NBAS: variants seen among roughly 807,000 people sequenced by gnomAD.
NBAS encodes the protein NBAS subunit of NRZ tethering complex, also known as NAG/BC035112 fusion.
A neutral mutation model predicts 302.5 loss-of-function variants in NBAS; 219 were observed. The ratio of observed to expected loss-of-function variants is 0.72; its 90% CI spans 0.65 to 0.81. NBAS has a LOEUF of 0.81. NBAS is among the 30% of genes least tolerant of loss of function. The probability of loss-of-function intolerance (pLI) is 0.00; values close to 1 mark genes in which losing one functional copy is unlikely to be tolerated. For synonymous variants in NBAS, 1,118 were observed against 1,021.6 expected (o/e 1.09, Z -1.80); for missense variants, 2,932 against 2,841.6 (o/e 1.03, Z -0.72).
At chr2:14,941,645 G>T in the NBAS span, among the ~76,000 whole-genome samples, 10 of 152,164 alleles carry the variant, frequency 6.6e-5, no homozygotes, top group African/African-American at 2.4e-4. Flanking sequence ...TGTGTCACCC[G>T]CTCCCACAGA....
the NBAS span, among the ~76,000 whole-genome samples, chr2:15,041,731 G>C: frequency 6.6e-6 from 1 of 152,182 alleles, no homozygotes; most frequent in East Asian, 1.9e-4. Context: ...CACTCTACCC[G>C]GCAGCTGTCC....
At chr2:15,246,330 C>T (rs1668093348) in intron 44 of NBAS, among the ~76,000 whole-genome samples, 1 of 152,200 alleles carries the variant, frequency 6.6e-6, no homozygotes, top group African/African-American at 2.4e-5. Flanking sequence ...GTTACTTGTA[C>T]ATCTCCCTGA....
intron 21 of NBAS, among the ~76,000 whole-genome samples, chr2:15,431,561 T>C (rs1677765755): frequency 6.6e-6 from 1 of 152,136 alleles, no homozygotes; most frequent in Non-Finnish European, 1.5e-5. Flanking sequence ...AAACTATATG[T>C]AGGTTGAATT....
chr2:15,287,135 A>T lies in NBAS; in HGVS notation c.5076T>A (p.Arg1692=). 6.2e-7 allele frequency: 1 copy of T among 1,614,114 alleles called. No individual in the cohort carries two copies. Among genetic ancestry groups the T allele is most frequent in the Non-Finnish European group, 8.5e-7 (1 of 1,179,966 alleles). Residue 1692 remains arginine, a synonymous_variant, in exon 42 of 52, where the codon CGT becomes CGA. Transcript: ENST00000281513. ...VYSIAISLAQ[R]YSVSRWEVFM... ...AAACTTCCCAGCGGGAGACACTGTAACGTTGTGCCAGAGAAATAGCAATGC... is the reference window on the plus strand; with the variant it reads ...AAACTTCCCAGCGGGAGACACTGTATCGTTGTGCCAGAGAAATAGCAATGC...
intron 46 of NBAS, 41 bp from the exon 47 acceptor site, chr2:15,232,552 C>CA: frequency 6.3e-7 from 1 of 1,582,514 alleles, no homozygotes; most frequent in Non-Finnish European, 8.7e-7. Flanking sequence ...AAGGATCACT[C>CA]AAGTCTCAGA....
At chr2:15,526,213 A>C (rs1434961768) in intron 9 of NBAS, among the ~76,000 whole-genome samples, 2 of 152,196 alleles carry the variant, frequency 1.3e-5, no homozygotes, top group Admixed American at 6.5e-5. Flanking sequence ...CTGCGTGTTT[A>C]AGGAGGACAA....
At chr2:15,486,630 G>GT (rs1650094078) in intron 12 of NBAS, among the ~76,000 whole-genome samples, 1 of 151,990 alleles carries the variant, frequency 6.6e-6, no homozygotes, top group African/African-American at 2.4e-5. Flanking sequence ...AATTTCTGAG[G>GT]TCCCCCCCTT....
intron 44 of NBAS, among the ~76,000 whole-genome samples, chr2:15,273,015 T>C (rs1037972286): frequency 1.3e-5 from 2 of 152,226 alleles, no homozygotes; most frequent in African/African-American, 4.8e-5. Flanking sequence ...AAAAGATTGC[T>C]GTTGCCAAGT....
intron 48 of NBAS, among the ~76,000 whole-genome samples, chr2:15,200,040 C>T (rs538297009): frequency 4.6e-5 from 7 of 151,716 alleles, no homozygotes; most frequent in African/African-American, 1.7e-4. Flanking sequence ...GCAGTTGAGA[C>T]CACAGGCACA....
chr2:15,533,191 T>A (rs1317031963), intron 9 of NBAS, among the ~76,000 whole-genome samples: 1 of 152,106 alleles, frequency 6.6e-6, no homozygotes, highest in African/African-American at 2.4e-5. Context: ...CTGGCACAAA[T>A]ACTCTGGAAA....
chr2:15,071,547 T>C, the NBAS span, among the ~76,000 whole-genome samples: 4,996 of 149,024 alleles, frequency 0.034, 108 homozygotes, highest in Middle Eastern at 0.11. Context: ...TCGCTTGAAC[T>C]CGGGAGGCGG....
At chr2:14,784,210 G>A in the NBAS span, among the ~76,000 whole-genome samples, 1 of 152,286 alleles carries the variant, frequency 6.6e-6, no homozygotes, top group South Asian at 2.1e-4. Flanking sequence ...GTAGACTCTG[G>A]ATATTAGCCC....
In NBAS at chr2:15,408,721, C is replaced by T. The variant is rs76870552; in HGVS notation, c.2938-6420G>A. 6.7e-3 allele frequency among the ~76,000 whole-genome samples: 1,023 copies of T among 152,254 alleles called. 11 individuals carry two copies. The highest frequency in any genetic ancestry group is 0.022 in the African/African-American group (923 of 41,550). The stretch of plus-strand genomic sequence containing the variant: ...AGTCATACTACTTAGGCTTAAATCC[C>T]TAATGCATCAGTAAATAAGAAACAT... On this transcript the variant is annotated intron_variant, in intron 25 of 51. Coordinates refer to ENST00000281513, the MANE Select transcript of NBAS (RefSeq NM_015909.4).
At chr2:15,014,975 G>C in the NBAS span, among the ~76,000 whole-genome samples, 53,073 of 151,588 alleles carry the variant, frequency 0.35, 9,929 homozygotes, top group Non-Finnish European at 0.41. Flanking sequence ...CACAGAAATA[G>C]AAAGGACATC....
intron 44 of NBAS, among the ~76,000 whole-genome samples, chr2:15,242,804 A>G (rs1000449740): frequency 6.6e-6 from 1 of 152,102 alleles, no homozygotes; most frequent in African/African-American, 2.4e-5. Flanking sequence ...AGCAATTAGT[A>G]GTTGCTATGA....
intron 28 of NBAS, 142 bp from the exon 29 acceptor site, chr2:15,383,459 A>G (rs1402131873): frequency 7.0e-6 from 5 of 711,100 alleles, no homozygotes; most frequent in South Asian, 3.3e-5. Context: ...CAAAAAGAAT[A>G]TATCTCCTTT....
chr2:15,088,976 T>C, the NBAS span, among the ~76,000 whole-genome samples: 2 of 152,042 alleles, frequency 1.3e-5, no homozygotes, highest in African/African-American at 4.8e-5. Flanking sequence ...AGCAAAGGTG[T>C]CCCTCTGTTG....
the NBAS span, among the ~76,000 whole-genome samples, chr2:14,895,374 G>T: frequency 2.0e-5 from 3 of 152,166 alleles, no homozygotes; most frequent in East Asian, 1.9e-4. Flanking sequence ...ACGAGTCAAA[G>T]AATTTATGAT....
At chr2:15,554,950 A>G (rs909348113) in intron 3 of NBAS, among the ~76,000 whole-genome samples, 2 of 152,202 alleles carry the variant, frequency 1.3e-5, no homozygotes, top group African/African-American at 4.8e-5. Context: ...ACTCATCATA[A>G]GTGAGTAAGC....
Sources: allele counts gnomAD v4.1 joint callset (sites outside exome capture counted in the v4.1 genomes callset), GRCh38; gene constraint gnomAD v4.1.1; transcripts MANE v1.5; gene names NCBI Gene and HGNC (gene_info 2026-07-23, HGNC 2026-07-21).